Variants in CNNM2 observed in about 807,000 individuals in gnomAD.
CNNM2 encodes metal transporter CNNM2.
CNNM2 carries 12 observed loss-of-function variants against 66.9 expected under a neutral mutation model. That is an observed-to-expected ratio of 0.18 (90% CI 0.11 to 0.29). The LOEUF (loss-of-function observed/expected upper bound fraction) is 0.29, where lower values mean the gene tolerates loss of function less well. Ranked by LOEUF, CNNM2 falls within the 10% of genes least tolerant of loss-of-function variation. CNNM2 has a pLI of 1.00. For synonymous variants in CNNM2, 557 were observed against 501.8 expected (o/e 1.11, Z -1.47); for missense variants, 705 against 1,167.7 (o/e 0.60, Z 5.77).
At chr10:102,966,231 TGGAA>T (rs1326386830) in intron 1 of CNNM2, among the ~76,000 whole-genome samples, 1 of 152,200 alleles carries the variant, frequency 6.6e-6, no homozygotes, top group Non-Finnish European at 1.5e-5. Context: ...TTTCTGAAAT[TGGAA>T]GGGATTTAGA....
At chr10:102,965,506 C>G (rs372771309) in intron 1 of CNNM2, among the ~76,000 whole-genome samples, 8 of 152,194 alleles carry the variant, frequency 5.3e-5, no homozygotes, top group African/African-American at 1.9e-4. Context: ...TTAATACTTG[C>G]TGTTCTACTC....
At chr10:102,922,949 A>C (rs1845709186) in intron 1 of CNNM2, among the ~76,000 whole-genome samples, 1 of 151,888 alleles carries the variant, frequency 6.6e-6, no homozygotes, top group South Asian at 2.1e-4. Flanking sequence ...AAAAAAAAAA[A>C]AAAAAAGAAA....
Position 103,019,893 on chromosome 10 carries a change from A to T in CNNM2, c.1622-29814A>T, listed in dbSNP as rs545506228. 2.4e-3 allele frequency among the ~76,000 whole-genome samples: 366 copies of T among 152,314 alleles called. 2 individuals are homozygous for T. Among genetic ancestry groups the T allele is most frequent in the African/African-American group, 8.2e-3 (343 of 41,582 alleles). On this transcript the variant is annotated intron_variant, in intron 1 of 7. Coordinates refer to ENST00000369878, the MANE Select transcript of CNNM2 (RefSeq NM_017649.5). ...GAAAGAGGTAATTATTGTGAAAAAA[A>T]TATGTAAGACACACACACTTTGGAA...
intron 5 of CNNM2, among the ~76,000 whole-genome samples, chr10:103,069,169 C>T (rs1381107399): frequency 6.6e-6 from 1 of 152,202 alleles, no homozygotes; most frequent in Non-Finnish European, 1.5e-5. Flanking sequence ...TTCCTCTTGC[C>T]ATGTCTAGTA....
chr10:102,989,567 C>T (rs2134240393), intron 1 of CNNM2, among the ~76,000 whole-genome samples: 1 of 152,172 alleles, frequency 6.6e-6, no homozygotes, highest in Admixed American at 6.5e-5. Context: ...CTTTGGGAGG[C>T]TGAGGCGGGC....
chr10:103,019,158 A>C (rs1465825442), intron 1 of CNNM2, among the ~76,000 whole-genome samples: 2 of 151,532 alleles, frequency 1.3e-5, no homozygotes, highest in African/African-American at 4.8e-5. Context: ...AGTCCCAGCT[A>C]CTCAGGAGGC....
At chr10:103,025,679 T>C (rs999979266) in intron 1 of CNNM2, among the ~76,000 whole-genome samples, 1 of 152,214 alleles carries the variant, frequency 6.6e-6, no homozygotes, top group African/African-American at 2.4e-5. Context: ...CTCTAAGTTA[T>C]CCAAATCTTC....
chr10:102,961,578 C>G (rs992819981), intron 1 of CNNM2, among the ~76,000 whole-genome samples: 2 of 151,892 alleles, frequency 1.3e-5, no homozygotes, highest in Non-Finnish European at 2.9e-5. Flanking sequence ...TTTTTGGCTA[C>G]TAGATTTAAT....
chr10:102,993,402 A>G (rs1240208517), intron 1 of CNNM2, among the ~76,000 whole-genome samples: 3 of 152,146 alleles, frequency 2.0e-5, no homozygotes, highest in African/African-American at 4.8e-5. Context: ...AGTTTTCCCT[A>G]GTTGTATACT....
rs1845490960 is a variant in CNNM2 at position 102,918,410 on chromosome 10, G to T, written c.-71G>T. The T allele has an allele frequency of 2.6e-6, 4 of 1,550,284 alleles. No homozygotes were observed. The highest frequency in any genetic ancestry group is 2.7e-5 in the African/African-American group (2 of 73,070). On this transcript the variant is annotated 5_prime_UTR_variant, in exon 1 of 8. Transcript: ENST00000369878. The surrounding 1 kb of genome is among the most constrained non-coding windows in gnomAD (Gnocchi z 4.1). ...GCCGCGGACGCTCCGTTGCAGTCTC[G>T]CCCAGGGGCCGGTACCTGCGCTCGC...
Position 103,077,330 on chromosome 10 carries a change from C to T in CNNM2, c.*150C>T, listed in dbSNP as rs114837424. 1,171 of 662,992 alleles carry T rather than the reference C, an allele frequency of 1.8e-3. 10 individuals carry two copies. The African/African-American group carries it at 0.018, about 10-fold the overall frequency. 41.1% of individuals were successfully genotyped at this position (662,992 alleles called of 1,614,324 possible). A position where few individuals can be genotyped will look rare whatever the true frequency, so the allele number is the denominator to read the frequency against. On this transcript the variant is annotated 3_prime_UTR_variant, in exon 8 of 8. Transcript: ENST00000369878. The stretch of plus-strand genomic sequence containing the variant: ...AAGACCTTGTGCCCTTCCCAGGAGC[C>T]GCGGAGGAGGACAGTGAGGGAGGAA...
At chr10:103,055,980 C>T (rs769366775) in intron 3 of CNNM2, among the ~76,000 whole-genome samples, 29 of 151,526 alleles carry the variant, frequency 1.9e-4, no homozygotes, top group African/African-American at 5.3e-4. Flanking sequence ...CCCAGTTACT[C>T]GGGAGGCTGA....
chr10:103,068,518 G>C (rs2065518880), intron 4 of CNNM2, 111 bp from the exon 5 acceptor site: 1 of 857,248 alleles, frequency 1.2e-6, no homozygotes, highest in Non-Finnish European at 1.9e-6. Context: ...TCCCTCGATA[G>C]TGTTGGGAAA....
chr10:103,027,456 A>G (rs2064728803), intron 1 of CNNM2: 1 of 152,212 alleles, frequency 6.6e-6, no homozygotes, highest in South Asian at 2.1e-4. Flanking sequence ...AACTACTTCT[A>G]GAGGTGAGAG....
At position 102,919,072 on chromosome 10, in the gene CNNM2, C is replaced by T; in HGVS notation, c.592C>T (p.Pro198Ser). ...SYYLCTSLSTPALGAGGSGST... is the reference protein window; with the variant it reads ...SYYLCTSLSTSALGAGGSGST... ...TTACCTGTGCACGTCGCTCTCCACG[C>T]CCGCCCTGGGCGCCGGCGGCTCGGG... Residue 198 changes from proline (P) to serine (S), a missense_variant, in exon 1 of 8, where the codon CCC becomes TCC. By Grantham distance (74) the Pro-to-Ser change is moderately conservative (BLOSUM62 -1). Transcript: ENST00000369878. The T allele has an allele frequency of 6.2e-7, 1 of 1,612,188 alleles. No homozygotes were observed. The highest frequency in any genetic ancestry group is 8.5e-7 in the Non-Finnish European group (1 of 1,179,408).
intron 1 of CNNM2, among the ~76,000 whole-genome samples, chr10:103,010,968 C>T (rs1004512231): frequency 1.3e-5 from 2 of 152,114 alleles, no homozygotes; most frequent in Non-Finnish European, 2.9e-5. Context: ...AGAGCAATTA[C>T]CCTGTATTAC....
chr10:103,061,550 A>G lies in CNNM2; in HGVS notation c.2073+4586A>G, dbSNP rs187197717. On this transcript the variant is annotated intron_variant, in intron 4 of 7. Coordinates refer to ENST00000369878, the MANE Select transcript of CNNM2 (RefSeq NM_017649.5). Reference sequence around the variant, plus strand: ...AAGTTCTCTCCTCTCCTATAAAAGCAGCTAGAATAAAAGGATTTGCTAGAA... The same window carrying G: ...AAGTTCTCTCCTCTCCTATAAAAGCGGCTAGAATAAAAGGATTTGCTAGAA... 1.1e-4 allele frequency among the ~76,000 whole-genome samples: 17 copies of G among 152,322 alleles called. No homozygotes were observed. The East Asian group carries it at 2.7e-3, about 24-fold the overall frequency.
chr10:102,920,747 AGTTGTT>A (rs1275695896), intron 1 of CNNM2, among the ~76,000 whole-genome samples: 1 of 152,164 alleles, frequency 6.6e-6, no homozygotes, highest in African/African-American at 2.4e-5. Context: ...GCTAGAAAAG[AGTTGTT>A]GTTGTTGTTT....
In CNNM2 at chr10:103,078,170, C is replaced by T. The variant is rs1423392063; in HGVS notation, c.*990C>T. ...AAACACGTGATGTGGAGTGCAAGCT[C>T]CTCCCCTTCCCACTAGAACATACTT... On this transcript the variant is annotated 3_prime_UTR_variant, in exon 8 of 8. Transcript: ENST00000369878. The T allele has an allele frequency of 2.6e-5, 4 of 152,294 alleles. No individual in the cohort carries two copies. Among genetic ancestry groups the T allele is most frequent in the Admixed American group, 2.0e-4 (3 of 15,284 alleles). 9.4% of individuals were successfully genotyped at this position (152,294 alleles called of 1,614,324 possible). A position where few individuals can be genotyped will look rare whatever the true frequency, so the allele number is the denominator to read the frequency against.
Sources: gnomAD v4.1 joint callset for allele counts (sites outside exome capture counted in the v4.1 genomes callset) on GRCh38, gnomAD v4.1.1 for gene constraint, Gnocchi (gnomAD v3.1) non-coding constraint, MANE v1.5 for transcripts, NCBI Gene and HGNC (gene_info 2026-07-23, HGNC 2026-07-21) for gene names.